Variants in F8 observed in about 807,000 individuals in gnomAD.
F8 encodes the protein coagulation factor VIII, also known as antihemophilic factor.
A neutral mutation model predicts 140.6 loss-of-function variants in F8; 12 were observed. That is an observed-to-expected ratio of 0.09 (90% confidence interval 0.05 to 0.14). F8 has a LOEUF of 0.14. Among genes scored for constraint, F8 ranks in the 10% least tolerant of loss-of-function variants. The pLI, the probability that F8 is intolerant of heterozygous loss-of-function variation, is 1.00. For missense variants in F8, 1,354 were observed against 1,720.7 expected (o/e 0.79, Z 3.77); for synonymous variants, 585 against 614.6 (o/e 0.95, Z 0.71).
chrX:154,930,806 T>C lies in F8; in HGVS notation c.2984A>G (p.Lys995Arg). The change falls in exon 14 of 26, where the codon AAA becomes AGA. Residue 995 changes from lysine to arginine, a missense_variant. Around this residue, in one of 4 missense-constraint regions of F8, gnomAD observed 658 missense variants for 666.5 expected, o/e 0.99. Coordinates refer to ENST00000360256, the MANE Select transcript of F8 (RefSeq NM_000132.4). ...CAACAAAGCAGGTCCATGAGCTCTTTTCCCTTTAAATAACCTACCACTCTC... is the reference window on the plus strand; with the variant it reads ...CAACAAAGCAGGTCCATGAGCTCTTCTCCCTTTAAATAACCTACCACTCTC... ...STESGRLFKG[K>R]RAHGPALLTK... 8.3e-7 allele frequency: 1 copy of C among 1,211,129 alleles called. No individual in the cohort carries two copies. Among genetic ancestry groups the C allele is most frequent in the Non-Finnish European group, 1.1e-6 (1 of 894,859 alleles).
rs28370219 is a variant in F8, at chrX:154,902,282, C to T, written c.5999-115G>A. 2.3e-3 allele frequency: 1,284 copies of T among 570,140 alleles called. 15 individuals are homozygous for T. The African/African-American group carries it at 0.024, about 11-fold the overall frequency. 47.0% of individuals were successfully genotyped at this position (570,140 alleles called of 1,213,427 possible). On this transcript the variant is annotated intron_variant, in intron 18 of 25. Transcript: ENST00000360256. ...CCTACCAAATTTGGTAGTTCCACTA[C>T]TTTTGGACCCCTCAAATGCAAAGTG...
chrX:155,015,463 G>C (rs1234374927), intron 1 of F8, among the ~76,000 whole-genome samples: 3 of 112,078 alleles, frequency 2.7e-5, no homozygotes, highest in Non-Finnish European at 5.6e-5. Flanking sequence ...GAATAGTCTT[G>C]TACCCAGAAT....
At chrX:154,982,218 C>A (rs1202669801) in intron 6 of F8, among the ~76,000 whole-genome samples, 1 of 104,950 alleles carries the variant, frequency 9.5e-6, no homozygotes, top group East Asian at 3.0e-4. Flanking sequence ...GAGGCCAAGG[C>A]GGGTGGATCA....
chrX:154,979,773 G>C (rs961331354), intron 6 of F8, among the ~76,000 whole-genome samples: 9 of 111,946 alleles, frequency 8.0e-5, no homozygotes, highest in African/African-American at 2.9e-4. Flanking sequence ...ATCATAGCAG[G>C]GCAGGATGTG....
chrX:154,844,824 C>T (rs1259494497), intron 25 of F8, among the ~76,000 whole-genome samples: 1 of 110,099 alleles, frequency 9.1e-6, no homozygotes, highest in Non-Finnish European at 1.9e-5. Context: ...ACTTCCAACA[C>T]TATGTTGAAT....
rs1415802432 is a variant in F8 at position 154,931,729 on chromosome X, C to T, written c.2114-53G>A. The T allele has an allele frequency of 5.6e-6, 6 of 1,064,307 alleles. No individual in the cohort carries two copies. In the African/African-American group the frequency reaches 7.3e-5, roughly 13 times the overall value. The allele number at this position is 1,064,307 out of a possible 1,213,427, so 87.7% of individuals were successfully genotyped here. On this transcript the variant is annotated intron_variant, in intron 13 of 25. Coordinates refer to ENST00000360256, the MANE Select transcript of F8 (RefSeq NM_000132.4). ...GTTACTCATAACACAGATTCTAAAA[C>T]GTTCTGTTAGAGGTTCTCTCCCATT...
rs137852424 is a variant in F8 at position 154,953,991 on chromosome X, G to C, written c.1804C>G (p.Arg602Gly). 3.3e-6 allele frequency: 4 copies of C among 1,210,805 alleles called. No individual in the cohort carries two copies. Among genetic ancestry groups the C allele is most frequent in the Non-Finnish European group, 4.5e-6 (4 of 894,716 alleles). Reference sequence around the variant, plus strand: ...ATATTCTCTGTGAGGTACCAGCTTCGGTTCTCATCAAATACAGAAAACAGG... The same window carrying C: ...ATATTCTCTGTGAGGTACCAGCTTCCGTTCTCATCAAATACAGAAAACAGG... Reference protein sequence around the residue: ...VILFSVFDENRSWYLTENIQR... With the variant: ...VILFSVFDENGSWYLTENIQR... Residue 602 changes from arginine to glycine, a missense_variant, in exon 12 of 26, where the codon CGA (arginine) becomes GGA (glycine). Around this residue, in one of 4 missense-constraint regions of F8, gnomAD observed 252 missense variants for 338.5 expected, o/e 0.74. Coordinates refer to ENST00000360256, the MANE Select transcript of F8 (RefSeq NM_000132.4).
At chrX:154,942,862 T>C (rs1424540574) in intron 13 of F8, among the ~76,000 whole-genome samples, 3 of 106,481 alleles carry the variant, frequency 2.8e-5, no homozygotes, top group South Asian at 4.5e-4. Flanking sequence ...GCTGGTTCAA[T>C]ATATGCAAAT....
chrX:154,931,644 A>G lies in F8; in HGVS notation c.2146T>C (p.Phe716Leu). ...AAGGCGGTCATGCCTCTGTTCCGAA[A>G]GTCTGAGTTGTGGCACCCCAGAATC... ...LWILGCHNSD[F>L]RNRGMTALLK... The change falls in exon 14 of 26, where the codon TTT (phenylalanine) becomes CTT (leucine). Residue 716 changes from phenylalanine (F) to leucine (L), a missense_variant. Around this residue, in one of 4 missense-constraint regions of F8, gnomAD observed 252 missense variants for 338.5 expected, o/e 0.74. Transcript: ENST00000360256. 1 of 1,211,817 alleles carries G rather than the reference A, an allele frequency of 8.3e-7. No homozygotes were observed. The highest frequency in any genetic ancestry group is 2.2e-5 in the Admixed American group (1 of 46,028).
intron 22 of F8, among the ~76,000 whole-genome samples, chrX:154,874,436 G>A (rs2072796844): frequency 1.8e-5 from 2 of 112,611 alleles, no homozygotes; most frequent in South Asian, 7.3e-4. Flanking sequence ...CAAGAGGCCA[G>A]CATCTGGCAA....
At chrX:155,002,407 G>T (rs1308769327) in intron 1 of F8, among the ~76,000 whole-genome samples, 1 of 111,803 alleles carries the variant, frequency 8.9e-6, no homozygotes, top group African/African-American at 3.3e-5. Flanking sequence ...AATAGCATGT[G>T]AATTGGTAAA....
intron 25 of F8, among the ~76,000 whole-genome samples, chrX:154,841,208 C>CTTTTTT (rs1168917544): frequency 8.2e-4 from 40 of 48,637 alleles, no homozygotes; most frequent in South Asian, 2.4e-3. Context: ...TTGCTTTCTT[C>CTTTTTT]TTTTTTTTTT....
At chrX:154,858,276 A>C (rs1350148896) in intron 25 of F8, among the ~76,000 whole-genome samples, 4 of 112,611 alleles carry the variant, frequency 3.6e-5, no homozygotes, top group Non-Finnish European at 7.5e-5. Flanking sequence ...GGGCTCAGCA[A>C]CATGGACTTC....
intron 22 of F8, among the ~76,000 whole-genome samples, chrX:154,878,428 C>CAAAAAA (rs57418004): frequency 1.9e-4 from 5 of 26,716 alleles, no homozygotes; most frequent in Non-Finnish European, 2.7e-4. Flanking sequence ...TTTTCATGAC[C>CAAAAAA]AAAAAAAAAA....
intron 1 of F8, among the ~76,000 whole-genome samples, chrX:155,005,682 C>T (rs1406044330): frequency 8.9e-6 from 1 of 112,010 alleles, no homozygotes; most frequent in Non-Finnish European, 1.9e-5. Flanking sequence ...CCAGATTCAC[C>T]GCTTCAGGAC....
intron 3 of F8, among the ~76,000 whole-genome samples, chrX:154,993,974 G>A (rs1358805145): frequency 8.9e-6 from 1 of 112,188 alleles, no homozygotes; most frequent in Non-Finnish European, 1.9e-5. Flanking sequence ...ACCAGACTCA[G>A]CTACAAGCTG....
intron 22 of F8, among the ~76,000 whole-genome samples, chrX:154,878,738 G>A (rs1002109149): frequency 9.0e-5 from 10 of 111,728 alleles, no homozygotes; most frequent in African/African-American, 2.6e-4. Context: ...GGAAAACCCC[G>A]AAGAATCCAC....
chrX:154,909,979 T>A (rs1390998147), intron 14 of F8, among the ~76,000 whole-genome samples: 1 of 111,907 alleles, frequency 8.9e-6, no homozygotes, highest in Non-Finnish European at 1.9e-5. Context: ...GTAATTTTAC[T>A]GTGGGGAAAA....
rs1557278474 is a variant in F8 at position 154,929,566 on chromosome X, G to A, written c.4224C>T (p.Pro1408=). The change falls in exon 14 of 26, where the codon CCC becomes CCT. Residue 1408 remains proline, a synonymous_variant. Transcript: ENST00000360256. ...SIPQANRSPL[P]IAKVSSFPSI... ...ATGGAAATGATGATACCTTTGCAAT[G>A]GGTAATGGAGATCTATTTGCTTGAG... 7.4e-6 allele frequency: 9 copies of A among 1,208,806 alleles called. No individual in the cohort carries two copies. The highest frequency in any genetic ancestry group is 1.0e-5 in the Non-Finnish European group (9 of 894,468).
Sources: allele counts gnomAD v4.1 joint callset (sites outside exome capture counted in the v4.1 genomes callset), GRCh38; gene constraint gnomAD v4.1.1; regional missense constraint gnomAD v4.1.1; transcripts MANE v1.5; gene names NCBI Gene and HGNC (gene_info 2026-07-23, HGNC 2026-07-21).